Variants in FNDC1 observed in about 807,000 individuals in gnomAD.
The protein encoded by FNDC1 is fibronectin type III domain-containing protein 1.
In FNDC1, 96 loss-of-function variants were observed where a neutral mutation model predicts 168.0. That is an observed-to-expected ratio of 0.57 (90% CI 0.48 to 0.68). The LOEUF is 0.68. FNDC1 is among the 30% of genes least tolerant of loss of function. FNDC1 has a pLI of 0.00. For synonymous variants in FNDC1, 1,099 were observed against 1,025.9 expected (o/e 1.07, Z -1.36); for missense variants, 2,587 against 2,482.1 (o/e 1.04, Z -0.90).
At chr6:159,175,221 C>A (rs1475968303) in intron 1 of FNDC1, among the ~76,000 whole-genome samples, 2 of 152,162 alleles carry the variant, frequency 1.3e-5, no homozygotes, top group African/African-American at 4.8e-5. Context: ...TAATAACTGG[C>A]AGTTTAAAGT....
intron 4 of FNDC1, among the ~76,000 whole-genome samples, chr6:159,204,045 A>G (rs1435631248): frequency 6.6e-6 from 1 of 152,292 alleles, no homozygotes; most frequent in Middle Eastern, 3.4e-3. Flanking sequence ...ATCAAAGTCT[A>G]ATTTCTGCCT....
chr6:159,244,366 T>C (rs183751725), intron 14 of FNDC1, among the ~76,000 whole-genome samples: 5 of 152,332 alleles, frequency 3.3e-5, no homozygotes, highest in Admixed American at 2.6e-4. Flanking sequence ...CCTAAACGGA[T>C]GGATAATTTA....
chr6:159,247,100 C>T, intron 15 of FNDC1, 131 bp downstream of exon 15: 1 of 703,638 alleles, frequency 1.4e-6, no homozygotes, highest in Non-Finnish European at 2.5e-6. Flanking sequence ...ATGCCGAGGG[C>T]TGGCTTAGGG....
chr6:159,186,600 C>T (rs1312211127), intron 1 of FNDC1, among the ~76,000 whole-genome samples: 2 of 152,222 alleles, frequency 1.3e-5, no homozygotes, highest in African/African-American at 2.4e-5. Flanking sequence ...CATGCAGCTC[C>T]CAGGCAGAGC....
At chr6:159,264,875 A>C in intron 19 of FNDC1, 100 bp from the exon 20 acceptor site, 1 of 923,010 alleles carries the variant, frequency 1.1e-6, no homozygotes, top group South Asian at 1.8e-5. Context: ...CTTTTTCTTT[A>C]TTCTAATTTG....
Position 159,233,739 on chromosome 6 carries a change from A to G in FNDC1, c.3227A>G (p.Gln1076Arg), listed in dbSNP as rs1307389641. ...TALQNQDEDA[Q>R]GSYDDDSTEV... ...CTCCAGAACCAGGACGAGGATGCCC[A>G]GGGCAGCTACGACGACGACAGCACA... is the stretch of plus-strand genomic sequence containing the variant. The change falls in exon 11 of 23, where the codon CAG becomes CGG. Residue 1076 changes from glutamine to arginine, a missense_variant. Physicochemically the swap from Gln to Arg is conservative, Grantham distance 43 (BLOSUM62 1). Coordinates refer to ENST00000297267, the MANE Select transcript of FNDC1 (RefSeq NM_032532.3). This position sits in a 1 kb window ranked among gnomAD's most constrained non-coding sequence, Gnocchi z 4.6. 9 of 1,549,156 alleles carry G rather than the reference A, an allele frequency of 5.8e-6. No individual in the cohort carries two copies. The East Asian group carries it at 1.7e-4, about 29-fold the overall frequency.
At chr6:159,209,563 C>T (rs1192297002) in intron 4 of FNDC1, among the ~76,000 whole-genome samples, 1 of 152,154 alleles carries the variant, frequency 6.6e-6, no homozygotes, top group Non-Finnish European at 1.5e-5. Flanking sequence ...TTGATGACAC[C>T]CAGGATGTCA....
chr6:159,221,470 C>G, intron 5 of FNDC1, 128 bp from the exon 6 acceptor site: 1 of 714,628 alleles, frequency 1.4e-6, no homozygotes. Flanking sequence ...AGTGGGAATA[C>G]CCCCAGAAAG....
intron 19 of FNDC1, among the ~76,000 whole-genome samples, chr6:159,261,546 G>C (rs762652960): frequency 6.6e-6 from 1 of 152,144 alleles, no homozygotes; most frequent in Non-Finnish European, 1.5e-5. Context: ...AGATAAAGTT[G>C]ACTCTATCTG....
At chr6:159,184,009 A>G (rs1430309136) in intron 1 of FNDC1, among the ~76,000 whole-genome samples, 1 of 152,226 alleles carries the variant, frequency 6.6e-6, no homozygotes, top group Non-Finnish European at 1.5e-5. Context: ...GTATAGTAGA[A>G]AGAGCATGGT....
rs369470421 is a variant in FNDC1, at chr6:159,231,989, G to T, written c.1477G>T (p.Val493Leu). Residue 493 changes from valine (V) to leucine (L), a missense_variant, in exon 11 of 23, where the codon GTG becomes TTG. Physicochemically the swap from Val to Leu is conservative, Grantham distance 32. Coordinates refer to ENST00000297267, the MANE Select transcript of FNDC1 (RefSeq NM_032532.3). ...RAPASSQHPSVPASPQGRNAK... is the reference protein window; with the variant it reads ...RAPASSQHPSLPASPQGRNAK... ...TCCAGCTTCCTCCCAACACCCCTCT[G>T]TGCCTGCTTCTCCCCAAGGGAGAAA... The T allele has an allele frequency of 6.2e-7, 1 of 1,613,820 alleles. No homozygotes were observed. The highest frequency in any genetic ancestry group is 8.5e-7 in the Non-Finnish European group (1 of 1,179,894).
chr6:159,269,502 C>CTATCGATCCATCCATG (rs1562316098), intron 22 of FNDC1, among the ~76,000 whole-genome samples: 3 of 92,440 alleles, frequency 3.2e-5, no homozygotes, highest in African/African-American at 1.0e-4. Flanking sequence ...ATCTATCTAT[C>CTATCGATCCATCCATG]CATCCATCCA....
chr6:159,183,593 A>C (rs1423127779), intron 1 of FNDC1, among the ~76,000 whole-genome samples: 3 of 152,206 alleles, frequency 2.0e-5, no homozygotes, highest in Non-Finnish European at 2.9e-5. Flanking sequence ...GCAGTAGAGA[A>C]GAGGGAAAGC....
At position 159,230,099 on chromosome 6, in the gene FNDC1, T is replaced by C. The variant is rs1783049880; in HGVS notation, c.1369+96T>C. 20 of 1,108,318 alleles carry C rather than the reference T, an allele frequency of 1.8e-5. 1 individual carries two copies. The highest frequency in any genetic ancestry group is 2.2e-5 in the Non-Finnish European group (18 of 808,404). 68.7% of individuals were successfully genotyped at this position (1,108,318 alleles called of 1,614,324 possible). ...ATCATGCTCTTGGGTTTGGAACTGCTCAGCAGATGATTTTTCCAGGCTAAG... is the reference window on the plus strand; with the variant it reads ...ATCATGCTCTTGGGTTTGGAACTGCCCAGCAGATGATTTTTCCAGGCTAAG... On this transcript the variant is annotated intron_variant, in intron 10 of 22. Coordinates refer to ENST00000297267, the MANE Select transcript of FNDC1 (RefSeq NM_032532.3).
intron 14 of FNDC1, 66 bp from the exon 15 acceptor site, chr6:159,246,835 C>T (rs1777146420): frequency 1.8e-6 from 2 of 1,119,222 alleles, no homozygotes; most frequent in African/African-American, 1.5e-5. Flanking sequence ...CGCTCTGGGG[C>T]CTGCTTCTGA....
In FNDC1 at chr6:159,234,215, G is replaced by T. The variant is rs911843244; in HGVS notation, c.3703G>T (p.Gly1235Trp). Residue 1235 changes from glycine to tryptophan, a missense_variant, in exon 11 of 23, where the codon GGG becomes TGG. Physicochemically the swap from Gly to Trp is radical, Grantham distance 184. Transcript: ENST00000297267. Reference sequence around the variant, plus strand: ...TGCCATCGCGCTTGCCCCTCGCGGAGGGAGCCTGGCTCCTGTGAAGCGACC... The same window carrying T: ...TGCCATCGCGCTTGCCCCTCGCGGATGGAGCCTGGCTCCTGTGAAGCGACC... ...EPAIALAPRG[G>W]SLAPVKRPLP... 1 of 1,595,210 alleles carries T rather than the reference G, an allele frequency of 6.3e-7. No homozygotes were observed. The highest frequency in any genetic ancestry group is 2.3e-5 in the East Asian group (1 of 44,012).
chr6:159,203,766 T>C (rs1169418124), intron 4 of FNDC1, among the ~76,000 whole-genome samples: 1 of 152,144 alleles, frequency 6.6e-6, no homozygotes, highest in Non-Finnish European at 1.5e-5. Flanking sequence ...TAACAGGATC[T>C]GGGTAACCTG....
intron 18 of FNDC1, among the ~76,000 whole-genome samples, chr6:159,257,586 G>T (rs1203752651): frequency 1.3e-5 from 2 of 152,190 alleles, no homozygotes; most frequent in African/African-American, 2.4e-5. Context: ...CATGGAGGAG[G>T]TTGGAACAAA....
chr6:159,269,142 A>C (rs1035467130), intron 22 of FNDC1, among the ~76,000 whole-genome samples: 1 of 147,262 alleles, frequency 6.8e-6, no homozygotes, highest in African/African-American at 2.6e-5. Context: ...CCATCCATCT[A>C]TCTATCCATC....
Sources: allele counts gnomAD v4.1 joint callset (sites outside exome capture counted in the v4.1 genomes callset), GRCh38; gene constraint gnomAD v4.1.1; non-coding constraint Gnocchi (gnomAD v3.1); transcripts MANE v1.5; gene names NCBI Gene and HGNC (gene_info 2026-07-23, HGNC 2026-07-21).